RELN: variants seen among roughly 807,000 people sequenced by gnomAD.
The protein encoded by RELN is reelin.
Under a neutral mutation model 427.6 loss-of-function variants are expected in RELN, and 108 were observed. The observed-to-expected ratio is 0.25, with a 90% CI of 0.22 to 0.30. The LOEUF (loss-of-function observed/expected upper bound fraction) is 0.30. Among genes scored for constraint, RELN ranks in the 10% least tolerant of loss-of-function variants. The pLI, the probability that RELN is intolerant of heterozygous loss-of-function variation, is 1.00. For missense variants in RELN, 3,715 were observed against 4,302.8 expected (o/e 0.86, Z 3.82); for synonymous variants, 1,524 against 1,513.4 (o/e 1.01, Z -0.16).
In RELN at chr7:103,812,123, CGACTTTCACTTTCACTCCTTACAGGT is replaced by C. The variant is rs565828572; in HGVS notation, c.473+21388_473+21413del. On this transcript the variant is annotated intron_variant, in intron 3 of 64. Coordinates refer to ENST00000428762, the MANE Select transcript of RELN (RefSeq NM_005045.4). Reference sequence around the variant, plus strand: ...TTCAGGTGACTTTCACTAACCGAGACGACTTTCACTTTCACTCCTTACAGGTGACTTTCACTAACCTGCTAGGTGAC... The same window carrying C: ...TTCAGGTGACTTTCACTAACCGAGACGACTTTCACTAACCTGCTAGGTGAC... 8.7e-3 allele frequency among the ~76,000 whole-genome samples: 1,327 copies of C among 152,256 alleles called. 12 individuals carry two copies. The highest frequency in any genetic ancestry group is 0.017 in the Middle Eastern group (5 of 294).
intron 2 of RELN, among the ~76,000 whole-genome samples, chr7:103,915,033 A>G (rs1032980739): frequency 5.3e-5 from 8 of 152,054 alleles, no homozygotes; most frequent in African/African-American, 1.9e-4. Flanking sequence ...AATATCCTGA[A>G]TGGTCTGGCT....
rs891739364 is a variant in RELN at position 103,618,668 on chromosome 7, G to A, written c.2703-6865C>T. Among the ~76,000 whole-genome samples, 4 of 152,216 alleles carry A rather than the reference G, an allele frequency of 2.6e-5. No individual in the cohort carries two copies. The East Asian group carries it at 7.7e-4, about 29-fold the overall frequency. ...ACCTTTCCTATTTAAAGTTCACAGT[G>A]TATATTCTTCAGCTTTTTCATTCCC... On this transcript the variant is annotated intron_variant, in intron 20 of 64. Coordinates refer to ENST00000428762, the MANE Select transcript of RELN (RefSeq NM_005045.4).
At chr7:103,505,467 A>G (rs1829177740) in intron 51 of RELN, among the ~76,000 whole-genome samples, 1 of 152,212 alleles carries the variant, frequency 6.6e-6, no homozygotes, top group South Asian at 2.1e-4. Context: ...GGAGACCTGC[A>G]GCAGAGGGGC....
chr7:103,502,978 A>G, intron 52 of RELN, 38 bp downstream of exon 52: 1 of 1,547,016 alleles, frequency 6.5e-7, no homozygotes, highest in Non-Finnish European at 8.9e-7. Context: ...TACCTTCTGG[A>G]TGCTTGGAAC....
intron 4 of RELN, among the ~76,000 whole-genome samples, chr7:103,759,136 T>TA (rs994329722): frequency 6.1e-4 from 93 of 152,266 alleles, no homozygotes; most frequent in Admixed American, 1.4e-3. Flanking sequence ...ACTTCTTTTT[T>TA]AAAAAATTCA....
Position 103,920,593 on chromosome 7 carries a change from T to TTTTTTTTTTTTTTTGA in RELN, c.227-3409_227-3408insTCAAAAAAAAAAAAAA, listed in dbSNP as rs57282777. ...TTTTTTTTTTTGTTTTTTTTTTTTT[T>TTTTTTTTTTTTTTTGA]GAGAGAGTCTCGCTCTCTTACCCAG... On this transcript the variant is annotated intron_variant, in intron 1 of 64. Transcript: ENST00000428762. Among the ~76,000 whole-genome samples the TTTTTTTTTTTTTTTGA allele has an allele frequency of 3.6e-4, 47 of 129,388 alleles. 1 individual carries two copies. The highest frequency in any genetic ancestry group is 1.3e-3 in the African/African-American group (43 of 32,840). The allele number at this position is 129,388 out of a possible 152,430, so 84.9% of individuals were successfully genotyped here.
chr7:103,691,505 C>T (rs2115745464), intron 10 of RELN, among the ~76,000 whole-genome samples: 1 of 152,162 alleles, frequency 6.6e-6, no homozygotes, highest in African/African-American at 2.4e-5. Context: ...GTTTTATTGA[C>T]AGTAGCATTA....
At chr7:103,877,743 A>G (rs1794512853) in intron 2 of RELN, among the ~76,000 whole-genome samples, 2 of 152,002 alleles carry the variant, frequency 1.3e-5, no homozygotes, top group African/African-American at 2.4e-5. Flanking sequence ...CAGCCATCCT[A>G]AACTCCTTCC....
At chr7:103,609,896 G>A (rs924854728) in intron 22 of RELN, among the ~76,000 whole-genome samples, 1 of 152,058 alleles carries the variant, frequency 6.6e-6, no homozygotes, top group Non-Finnish European at 1.5e-5. Flanking sequence ...AGGACTGGAG[G>A]GACCTGTAAG....
chr7:103,969,757 C>A (rs1796725741), intron 1 of RELN, among the ~76,000 whole-genome samples: 1 of 152,166 alleles, frequency 6.6e-6, no homozygotes. Context: ...AACCATACAA[C>A]AATAGCAGCC....
intron 8 of RELN, among the ~76,000 whole-genome samples, chr7:103,722,619 C>G (rs888655774): frequency 6.6e-6 from 1 of 152,116 alleles, no homozygotes; most frequent in Non-Finnish European, 1.5e-5. Flanking sequence ...TGGGTAGGAA[C>G]TTTTAGCTCT....
At position 103,626,325 on chromosome 7, in the gene RELN, A is replaced by G. The variant is rs1832328104; in HGVS notation, c.2702+3615T>C. Among the ~76,000 whole-genome samples the G allele has an allele frequency of 6.6e-6, 1 of 152,118 alleles. No individual in the cohort carries two copies. Among genetic ancestry groups the G allele is most frequent in the Non-Finnish European group, 1.5e-5 (1 of 67,976 alleles). On this transcript the variant is annotated intron_variant, in intron 20 of 64. Transcript: ENST00000428762. This position sits in a 1 kb window ranked among gnomAD's most constrained non-coding sequence, Gnocchi z 4.4. ...AAAACAATTGCCAATTCTAAATGCT[A>G]CAACAACTATTCTCTCTCAATTGTA...
chr7:103,780,390 TA>T (rs1373345947), intron 3 of RELN, among the ~76,000 whole-genome samples: 2 of 152,230 alleles, frequency 1.3e-5, no homozygotes, highest in Non-Finnish European at 2.9e-5. Context: ...TAATCTTTTT[TA>T]AAAAAATGTT....
In RELN at chr7:103,971,472, A is replaced by C. The variant is rs560511687; in HGVS notation, c.226+17659T>G. Among the ~76,000 whole-genome samples, 9 of 152,340 alleles carry C rather than the reference A, an allele frequency of 5.9e-5. No individual in the cohort carries two copies. The South Asian group carries it at 1.9e-3, about 32-fold the overall frequency. On this transcript the variant is annotated intron_variant, in intron 1 of 64. Coordinates refer to ENST00000428762, the MANE Select transcript of RELN (RefSeq NM_005045.4). ...ACAGATATGCACAAAATTAGTAATG[A>C]GACAGAAAATTATTCAACCTTTCTA...
Position 103,492,040 on chromosome 7 carries a change from A to G in RELN, c.9370-14T>C, listed in dbSNP as rs749931676. 1.9e-6 allele frequency: 3 copies of G among 1,595,414 alleles called. No homozygotes were observed. Among genetic ancestry groups the G allele is most frequent in the Non-Finnish European group, 1.7e-6 (2 of 1,169,664 alleles). ...ACCCACCACAATCTAAAACAAACATAAACAATCAATACACAGGTAAGATTA... is the reference window on the plus strand; with the variant it reads ...ACCCACCACAATCTAAAACAAACATGAACAATCAATACACAGGTAAGATTA... On this transcript the variant is annotated splice_polypyrimidine_tract_variant and intron_variant, in intron 57 of 64. Coordinates refer to ENST00000428762, the MANE Select transcript of RELN (RefSeq NM_005045.4).
At chr7:103,938,661 T>G (rs894730204) in intron 1 of RELN, among the ~76,000 whole-genome samples, 4 of 152,184 alleles carry the variant, frequency 2.6e-5, no homozygotes, top group African/African-American at 9.7e-5. Flanking sequence ...CCAACATTAT[T>G]TATTTTTCAG....
Position 103,537,063 on chromosome 7 carries a change from C to T in RELN, c.7181-1579G>A, listed in dbSNP as rs534979999. On this transcript the variant is annotated intron_variant, in intron 45 of 64. Coordinates refer to ENST00000428762, the MANE Select transcript of RELN (RefSeq NM_005045.4). ...CTACCACATTTTATCAATAGCAATA[C>T]TTTTACACTGGTTTTCTGGGTCCAA... Among the ~76,000 whole-genome samples, 24 of 152,292 alleles carry T rather than the reference C, an allele frequency of 1.6e-4. 1 individual carries two copies. The South Asian group carries it at 5.0e-3, about 32-fold the overall frequency.
At chr7:103,883,160 A>G (rs1353589714) in intron 2 of RELN, among the ~76,000 whole-genome samples, 2 of 152,234 alleles carry the variant, frequency 1.3e-5, no homozygotes, top group Non-Finnish European at 2.9e-5. Context: ...GTAATCCATC[A>G]CATAAACAGA....
chr7:103,545,984 A>G (rs1345229777), intron 41 of RELN, among the ~76,000 whole-genome samples: 1 of 152,216 alleles, frequency 6.6e-6, no homozygotes, highest in Non-Finnish European at 1.5e-5. Context: ...TTTTAAAAAA[A>G]CTGAGGTAAA....
Sources: allele counts gnomAD v4.1 joint callset (sites outside exome capture counted in the v4.1 genomes callset), GRCh38; gene constraint gnomAD v4.1.1; non-coding constraint Gnocchi (gnomAD v3.1); transcripts MANE v1.5; gene names NCBI Gene and HGNC (gene_info 2026-07-23, HGNC 2026-07-21).